PARD3: variants seen among roughly 807,000 people sequenced by gnomAD.
The protein encoded by PARD3 is par-3 family cell polarity regulator.
In PARD3, 75 loss-of-function variants were observed where a neutral mutation model predicts 155.4. The observed-to-expected ratio is 0.48, with a 90% CI of 0.40 to 0.58. The LOEUF (loss-of-function observed/expected upper bound fraction) is 0.58. Among genes scored for constraint, PARD3 ranks in the 20% least tolerant of loss-of-function variants. The probability of loss-of-function intolerance (pLI) is 0.00; values close to 1 mark genes in which losing one functional copy is unlikely to be tolerated. For synonymous variants in PARD3, 576 were observed against 610.5 expected (o/e 0.94, Z 0.83); for missense variants, 1,642 against 1,721.7 (o/e 0.95, Z 0.82).
At chr10:34,391,993 C>T (rs1842907876) in intron 7 of PARD3, among the ~76,000 whole-genome samples, 1 of 151,844 alleles carries the variant, frequency 6.6e-6, no homozygotes, top group Non-Finnish European at 1.5e-5. Context: ...CCACCTTTAC[C>T]AAAAATACAA....
intron 1 of PARD3, among the ~76,000 whole-genome samples, chr10:34,759,204 A>G (rs985000310): frequency 6.6e-6 from 1 of 152,152 alleles, no homozygotes; most frequent in African/African-American, 2.4e-5. Context: ...TCTAATAGGA[A>G]CCAAAGAAAT....
intron 8 of PARD3, 45 bp from the exon 9 acceptor site, chr10:34,382,967 G>C (rs1842004334): frequency 1.3e-6 from 2 of 1,595,656 alleles, no homozygotes; most frequent in Non-Finnish European, 1.7e-6. Flanking sequence ...AAGACTGGCA[G>C]ACTAGAAGAT....
intron 2 of PARD3, among the ~76,000 whole-genome samples, chr10:34,539,357 A>T (rs1298829297): frequency 6.6e-6 from 1 of 152,230 alleles, no homozygotes; most frequent in African/African-American, 2.4e-5. Context: ...TAAATAAATT[A>T]AAAAGCAGAG....
Position 34,378,062 on chromosome 10 carries a change from T to C in PARD3, c.1444A>G (p.Ile482Val). The C allele has an allele frequency of 1.9e-6, 3 of 1,596,980 alleles. No homozygotes were observed. Among genetic ancestry groups the C allele is most frequent in the Non-Finnish European group, 2.6e-6 (3 of 1,173,114 alleles). The part of the protein sequence containing the change: ...GFSITSRDVT[I>V]GGSAPIYVKN... ...ACATAGATTGGAGCTGAGCCACCTATTGTTACATCTCTGGAAGTGATGCTG... is the reference window on the plus strand; with the variant it reads ...ACATAGATTGGAGCTGAGCCACCTACTGTTACATCTCTGGAAGTGATGCTG... Residue 482 changes from isoleucine to valine, a missense_variant, in exon 10 of 25, where the codon ATA becomes GTA. Physicochemically the swap from Ile to Val is conservative, Grantham distance 29 (BLOSUM62 3). Around this residue, in one of 3 missense-constraint regions of PARD3, gnomAD observed 1,529 missense variants for 1,587.3 expected, o/e 0.96. Coordinates refer to ENST00000374788, the MANE Select transcript of PARD3 (RefSeq NM_001184785.2).
chr10:34,606,156 ATGTG>A (rs59792013), intron 2 of PARD3, among the ~76,000 whole-genome samples: 13,754 of 125,374 alleles, frequency 0.11, 982 homozygotes, highest in Admixed American at 0.19. Flanking sequence ...ATAAAGGGAA[ATGTG>A]TGTGTGTGTG....
At chr10:34,219,266 G>GT (rs1411874859) in intron 22 of PARD3, among the ~76,000 whole-genome samples, 6 of 152,144 alleles carry the variant, frequency 3.9e-5, no homozygotes, top group African/African-American at 1.4e-4. Flanking sequence ...GGGCCTGGCA[G>GT]TAGGAAATGT....
intron 20 of PARD3, among the ~76,000 whole-genome samples, chr10:34,290,244 G>A (rs1482146220): frequency 6.6e-6 from 1 of 152,160 alleles, no homozygotes; most frequent in African/African-American, 2.4e-5. Flanking sequence ...ATGATACAGT[G>A]TTTTTAAAAA....
At chr10:34,120,219 T>C (rs1399978423) in intron 23 of PARD3, among the ~76,000 whole-genome samples, 4 of 139,356 alleles carry the variant, frequency 2.9e-5, no homozygotes, top group African/African-American at 5.4e-5. Context: ...AGAGATGGGG[T>C]TTCCCTATGT....
intron 16 of PARD3, 148 bp from the exon 17 acceptor site, chr10:34,337,574 T>TAAA: frequency 8.5e-6 from 3 of 354,894 alleles, no homozygotes; most frequent in South Asian, 1.4e-4. Context: ...TACAGTCCAT[T>TAAA]AAAAAAAAAA....
intron 2 of PARD3, among the ~76,000 whole-genome samples, chr10:34,521,140 C>T (rs1322121273): frequency 3.9e-5 from 6 of 152,044 alleles, no homozygotes; most frequent in Admixed American, 1.3e-4. Context: ...GATGGAAGAG[C>T]TTATACATAT....
At chr10:34,437,019 C>T (rs1011684078) in intron 5 of PARD3, among the ~76,000 whole-genome samples, 3 of 152,178 alleles carry the variant, frequency 2.0e-5, no homozygotes, top group East Asian at 3.9e-4. Context: ...CCATGTATAA[C>T]GTTTGATTTT....
chr10:34,433,975 A>G (rs1372465752), intron 5 of PARD3, among the ~76,000 whole-genome samples: 1 of 152,224 alleles, frequency 6.6e-6, no homozygotes, highest in Non-Finnish European at 1.5e-5. Context: ...AAAGAAAGAC[A>G]TAATTAAAAT....
chr10:34,391,553 T>A (rs911683015), intron 7 of PARD3, among the ~76,000 whole-genome samples: 12 of 152,202 alleles, frequency 7.9e-5, no homozygotes, highest in African/African-American at 2.9e-4. Flanking sequence ...AATGGATGAG[T>A]ATGGTATGTC....
At chr10:34,514,217 C>A (rs936749169) in intron 3 of PARD3, among the ~76,000 whole-genome samples, 4 of 152,134 alleles carry the variant, frequency 2.6e-5, no homozygotes, top group Non-Finnish European at 5.9e-5. Flanking sequence ...TTGGAAAACA[C>A]AGGAAAGTGA....
intron 22 of PARD3, among the ~76,000 whole-genome samples, chr10:34,238,376 GT>G (rs1230007419): frequency 6.6e-6 from 1 of 152,202 alleles, no homozygotes; most frequent in Non-Finnish European, 1.5e-5. Flanking sequence ...TCTCCTGGTT[GT>G]TTTAATTTGG....
intron 22 of PARD3, among the ~76,000 whole-genome samples, chr10:34,174,770 A>G (rs561451100): frequency 3.3e-5 from 5 of 152,224 alleles, no homozygotes; most frequent in Non-Finnish European, 7.3e-5. Context: ...TTTGACCTTA[A>G]AATAAATGTA....
chr10:34,165,346 G>A (rs55803191), intron 22 of PARD3, among the ~76,000 whole-genome samples: 10,883 of 152,212 alleles, frequency 0.071, 1,005 homozygotes, highest in East Asian at 0.3. Flanking sequence ...GAGGATATTA[G>A]AAATTTTACT....
intron 21 of PARD3, among the ~76,000 whole-genome samples, chr10:34,282,541 A>G (rs1221634841): frequency 6.6e-6 from 1 of 152,208 alleles, no homozygotes; most frequent in East Asian, 1.9e-4. Context: ...TCTGCATGGA[A>G]ACATAGCAGT....
intron 2 of PARD3, among the ~76,000 whole-genome samples, chr10:34,640,916 T>C (rs989117690): frequency 2.6e-5 from 4 of 151,942 alleles, no homozygotes; most frequent in Admixed American, 6.6e-5. Flanking sequence ...GATATATTAA[T>C]AAACATGTAA....
Sources: gnomAD v4.1 joint callset for allele counts (sites outside exome capture counted in the v4.1 genomes callset) on GRCh38, gnomAD v4.1.1 for gene constraint, gnomAD v4.1.1 regional missense constraint, MANE v1.5 for transcripts, NCBI Gene and HGNC (gene_info 2026-07-23, HGNC 2026-07-21) for gene names.